Variants in NOS1AP observed in about 807,000 individuals in gnomAD.
NOS1AP encodes nitric oxide synthase 1 adaptor protein, also known as carboxyl-terminal PDZ ligand of neuronal nitric oxide synthase protein.
NOS1AP carries 21 observed loss-of-function variants against 56.2 expected under a neutral mutation model. The observed-to-expected ratio is 0.37, with a 90% confidence interval of 0.26 to 0.54. The LOEUF is 0.54. NOS1AP is among the 20% of genes least tolerant of loss of function. The pLI, the probability that NOS1AP is intolerant of heterozygous loss-of-function variation, is 0.84. For synonymous variants in NOS1AP, 270 were observed against 274.6 expected, an observed-to-expected ratio of 0.98 and a Z score of 0.17; for missense variants, 522 against 657.8, an observed-to-expected ratio of 0.79 and a Z score of 2.26.
intron 2 of NOS1AP, among the ~76,000 whole-genome samples, chr1:162,230,590 A>G (rs1415514386): frequency 6.6e-6 from 1 of 152,204 alleles, no homozygotes; most frequent in East Asian, 1.9e-4. Flanking sequence ...TGCAAACCAA[A>G]CTTCGAAACT....
intron 1 of NOS1AP, among the ~76,000 whole-genome samples, chr1:162,133,857 A>AT (rs1195665636): frequency 2.0e-5 from 3 of 152,114 alleles, no homozygotes; most frequent in East Asian, 1.9e-4. Flanking sequence ...TGTTGTTATT[A>AT]TTTTTTGTGG....
intron 3 of NOS1AP, among the ~76,000 whole-genome samples, chr1:162,296,867 G>C (rs1002982892): frequency 2.0e-5 from 3 of 152,184 alleles, no homozygotes; most frequent in African/African-American, 7.2e-5. Flanking sequence ...CCACCAGTAT[G>C]AGTGGAAATA....
At chr1:162,232,351 G>A (rs755121350) in intron 2 of NOS1AP, among the ~76,000 whole-genome samples, 25 of 152,154 alleles carry the variant, frequency 1.6e-4, no homozygotes, top group Non-Finnish European at 1.3e-4. Context: ...TGGAATACTT[G>A]ACATTGTTCA....
chr1:162,140,776 G>A (rs1181117578), intron 1 of NOS1AP, among the ~76,000 whole-genome samples: 3 of 152,014 alleles, frequency 2.0e-5, no homozygotes, highest in Non-Finnish European at 4.4e-5. Context: ...GTATAGAAGC[G>A]CGCCCTTTTC....
At chr1:162,275,779 G>T (rs1456707611) in intron 2 of NOS1AP, among the ~76,000 whole-genome samples, 1 of 152,056 alleles carries the variant, frequency 6.6e-6, no homozygotes, top group Non-Finnish European at 1.5e-5. Flanking sequence ...ATCTGTCTTC[G>T]GGGGCCCTCC....
At chr1:162,221,528 A>ACG (rs61638740) in intron 2 of NOS1AP, among the ~76,000 whole-genome samples, 66 of 59,528 alleles carry the variant, frequency 1.1e-3, no homozygotes, top group Admixed American at 2.4e-3. Flanking sequence ...ACGCACACAC[A>ACG]CGCGCGCACA....
chr1:162,217,267 C>CTTTTTTTTT lies in NOS1AP; in HGVS notation c.177+62797_177+62805dup, dbSNP rs61378473. On this transcript the variant is annotated intron_variant, in intron 2 of 9. Coordinates refer to ENST00000361897, the MANE Select transcript of NOS1AP (RefSeq NM_014697.3). ...TGGGTCCTGAAACAGCTGTTGTTAG[C>CTTTTTTTTT]TTTTTTTTTTTTTTGAGATGAAGTC... is the stretch of plus-strand genomic sequence containing the variant. 6.3e-4 allele frequency among the ~76,000 whole-genome samples: 43 copies of CTTTTTTTTT among 68,398 alleles called. 10 individuals carry two copies. The highest frequency in any genetic ancestry group is 2.7e-3 in the East Asian group (5 of 1,840). The allele number at this position is 68,398 out of a possible 152,430, so 44.9% of individuals were successfully genotyped here.
intron 1 of NOS1AP, among the ~76,000 whole-genome samples, chr1:162,112,908 A>G (rs779813860): frequency 6.6e-5 from 10 of 152,164 alleles, no homozygotes; most frequent in Non-Finnish European, 1.5e-4. Context: ...TATGGGGTGA[A>G]TTGCTTTAGT....
chr1:162,365,341 T>C (rs1396549320), intron 8 of NOS1AP, 63 bp from the exon 9 acceptor site: 1 of 1,610,956 alleles, frequency 6.2e-7, no homozygotes, highest in Non-Finnish European at 8.5e-7. Context: ...GTGACTCTCA[T>C]GTGCATTCAT....
intron 2 of NOS1AP, among the ~76,000 whole-genome samples, chr1:162,215,877 A>G (rs971424996): frequency 6.6e-6 from 1 of 152,236 alleles, no homozygotes; most frequent in African/African-American, 2.4e-5. Context: ...TGATCTTACC[A>G]TGCTTCTTTT....
At chr1:162,113,978 A>G (rs16856414) in intron 1 of NOS1AP, among the ~76,000 whole-genome samples, 3,445 of 152,308 alleles carry the variant, frequency 0.023, 134 homozygotes, top group African/African-American at 0.078. Context: ...TTGAAAACCC[A>G]GAATTTATAC....
intron 1 of NOS1AP, among the ~76,000 whole-genome samples, chr1:162,072,027 T>C (rs1570986154): frequency 6.6e-6 from 1 of 151,794 alleles, no homozygotes; most frequent in South Asian, 2.1e-4. Flanking sequence ...ACCACTGCAC[T>C]CCACCCTGGG....
At chr1:162,300,486 C>G (rs1655612408) in intron 3 of NOS1AP, 147 bp from the exon 4 acceptor site, 1 of 728,788 alleles carries the variant, frequency 1.4e-6, no homozygotes, top group Non-Finnish European at 2.5e-6. Flanking sequence ...ATATTTTGCA[C>G]TCGTCGTTTT....
chr1:162,221,640 C>A (rs1421707736), intron 2 of NOS1AP, among the ~76,000 whole-genome samples: 3 of 151,682 alleles, frequency 2.0e-5, no homozygotes, highest in Non-Finnish European at 4.4e-5. Flanking sequence ...TTACTTAAGG[C>A]AGATTACTAA....
At chr1:162,354,007 C>T (rs1461438525) in intron 6 of NOS1AP, among the ~76,000 whole-genome samples, 1 of 152,256 alleles carries the variant, frequency 6.6e-6, no homozygotes, top group Non-Finnish European at 1.5e-5. Flanking sequence ...AGGACTGTCT[C>T]CTCAGCTCCT....
At chr1:162,163,607 G>C (rs1650334828) in intron 2 of NOS1AP, among the ~76,000 whole-genome samples, 1 of 152,140 alleles carries the variant, frequency 6.6e-6, no homozygotes, top group Admixed American at 6.5e-5. Flanking sequence ...TGAATGGAAA[G>C]AGGGAGTGAG....
intron 6 of NOS1AP, among the ~76,000 whole-genome samples, chr1:162,347,323 A>G (rs1483326925): frequency 6.6e-6 from 1 of 152,258 alleles, no homozygotes; most frequent in African/African-American, 2.4e-5. Context: ...GCCAGTATAC[A>G]CATGTACAAA....
chr1:162,222,465 G>A (rs946287798), intron 2 of NOS1AP, among the ~76,000 whole-genome samples: 1 of 152,170 alleles, frequency 6.6e-6, no homozygotes, highest in African/African-American at 2.4e-5. Flanking sequence ...ACTGTTAAGT[G>A]GTATTGACAC....
chr1:162,269,793 G>A (rs1182590049), intron 2 of NOS1AP, among the ~76,000 whole-genome samples: 2 of 151,920 alleles, frequency 1.3e-5, no homozygotes, highest in Non-Finnish European at 2.9e-5. Context: ...TGAAAAATCA[G>A]GAAAGAGAGT....
Sources: gnomAD v4.1 joint callset for allele counts (sites outside exome capture counted in the v4.1 genomes callset) on GRCh38, gnomAD v4.1.1 for gene constraint, MANE v1.5 for transcripts, NCBI Gene and HGNC (gene_info 2026-07-23, HGNC 2026-07-21) for gene names.